The following KSR2 variants were observed in gnomAD, a reference collection of about 807,000 sequenced individuals.
KSR2 encodes the protein kinase suppressor of ras 2.
Under a neutral mutation model 107.8 loss-of-function variants are expected in KSR2, and 25 were observed. The observed-to-expected ratio is 0.23, with a 90% CI of 0.17 to 0.32. The LOEUF is 0.32. Among genes scored for constraint, KSR2 ranks in the 10% least tolerant of loss-of-function variants. KSR2 has a pLI of 1.00. For missense variants in KSR2, 887 were observed against 1,268.9 expected (o/e 0.70, Z 4.57); for synonymous variants, 480 against 507.0 (o/e 0.95, Z 0.71).
chr12:117,659,439 C>T (rs1884328583), intron 5 of KSR2, among the ~76,000 whole-genome samples: 1 of 152,172 alleles, frequency 6.6e-6, no homozygotes, highest in Admixed American at 6.5e-5. Context: ...ACATACAGCT[C>T]ACGTCCGCAT....
At chr12:117,712,256 G>A (rs1320426420) in intron 4 of KSR2, among the ~76,000 whole-genome samples, 2 of 152,208 alleles carry the variant, frequency 1.3e-5, no homozygotes, top group Non-Finnish European at 1.5e-5. Flanking sequence ...CTCCTCTCAA[G>A]GGGGTAGACT....
Position 117,727,023 on chromosome 12 carries a change from T to C in KSR2, c.986+33988A>G, listed in dbSNP as rs80151237. Among the ~76,000 whole-genome samples, 576 of 152,242 alleles carry C rather than the reference T, an allele frequency of 3.8e-3. 6 individuals are homozygous for C. Among genetic ancestry groups the C allele is most frequent in the African/African-American group, 0.013 (558 of 41,534 alleles). ...TTTGGAAGTAGGGGTTTTGCAGATATAATCAAGTTAAGGTCATACTTGATT... is the reference window on the plus strand; with the variant it reads ...TTTGGAAGTAGGGGTTTTGCAGATACAATCAAGTTAAGGTCATACTTGATT... On this transcript the variant is annotated intron_variant, in intron 4 of 19. Coordinates refer to ENST00000339824, the MANE Select transcript of KSR2 (RefSeq NM_173598.6).
Position 117,527,142 on chromosome 12 carries a change from G to A in KSR2, c.1803-23C>T, listed in dbSNP as rs7969954. On this transcript the variant is annotated intron_variant, in intron 12 of 19. Coordinates refer to ENST00000339824, the MANE Select transcript of KSR2 (RefSeq NM_173598.6). ...AAGCTGTAAAGAAAGAAAAATAAAC[G>A]TGATCCCTAGGTGAAAAGGCAGGTC... 5,762 of 1,586,708 alleles carry A rather than the reference G, an allele frequency of 3.6e-3. 135 individuals carry two copies. In the African/African-American group the frequency reaches 0.055, roughly 15 times the overall value.
chr12:117,803,619 C>G (rs1356434669), intron 3 of KSR2, among the ~76,000 whole-genome samples: 1 of 152,134 alleles, frequency 6.6e-6, no homozygotes, highest in Admixed American at 6.5e-5. Context: ...AGGAGAATGG[C>G]ATGAACCCGG....
intron 3 of KSR2, among the ~76,000 whole-genome samples, chr12:117,790,609 A>G (rs550391100): frequency 1.3e-5 from 2 of 152,250 alleles, no homozygotes; most frequent in Non-Finnish European, 2.9e-5. Flanking sequence ...GTGGGCCACA[A>G]GGAACAAACT....
chr12:117,841,356 G>A (rs1258270348), intron 3 of KSR2, among the ~76,000 whole-genome samples: 1 of 152,082 alleles, frequency 6.6e-6, no homozygotes, highest in Non-Finnish European at 1.5e-5. Context: ...CCTCAGGACC[G>A]TGGCTGGGAA....
intron 5 of KSR2, among the ~76,000 whole-genome samples, chr12:117,629,474 C>T (rs1882705906): frequency 6.6e-6 from 1 of 152,090 alleles, no homozygotes; most frequent in African/African-American, 2.4e-5. Context: ...ACATGTGAAA[C>T]CAAACGGGAG....
chr12:117,804,039 C>A (rs1890927656), intron 3 of KSR2, among the ~76,000 whole-genome samples: 1 of 152,078 alleles, frequency 6.6e-6, no homozygotes, highest in Non-Finnish European at 1.5e-5. Flanking sequence ...CATATCCATT[C>A]TTTTATTGTT....
At chr12:117,572,835 A>C (rs1388004833) in intron 7 of KSR2, among the ~76,000 whole-genome samples, 1 of 152,190 alleles carries the variant, frequency 6.6e-6, no homozygotes, top group African/African-American at 2.4e-5. Context: ...AGAGGTTTCC[A>C]AGGAACCAGA....
At chr12:117,476,379 G>A (rs1243164339) in intron 17 of KSR2, 85 bp downstream of exon 17, 42 of 1,456,858 alleles carry the variant, frequency 2.9e-5, no homozygotes, top group Non-Finnish European at 3.6e-5. Context: ...GGTACACCCT[G>A]GCCCTTCCAA....
chr12:117,480,916 G>A (rs1263179150), intron 16 of KSR2, among the ~76,000 whole-genome samples: 2 of 152,114 alleles, frequency 1.3e-5, no homozygotes, highest in Non-Finnish European at 2.9e-5. Context: ...GTAAAGCCCA[G>A]CTGGGCATGG....
chr12:117,520,689 G>A (rs1004722414), intron 14 of KSR2, among the ~76,000 whole-genome samples: 2 of 152,058 alleles, frequency 1.3e-5, no homozygotes, highest in Non-Finnish European at 2.9e-5. Flanking sequence ...CTTTATTTTT[G>A]AGGCTTCCTC....
rs201208659 is a variant in KSR2, at chr12:117,740,485, AAT to A, written c.986+20524_986+20525del. ...ATATTATATGTAATATATAACATAT[AAT>A]ATATATGTTATATATTACATTTATA... On this transcript the variant is annotated intron_variant, in intron 4 of 19. Coordinates refer to ENST00000339824, the MANE Select transcript of KSR2 (RefSeq NM_173598.6). Among the ~76,000 whole-genome samples the A allele has an allele frequency of 5.0e-3, 649 of 130,230 alleles. 19 individuals are homozygous for A. Among genetic ancestry groups the A allele is most frequent in the African/African-American group, 0.016 (556 of 35,676 alleles). The allele number at this position is 130,230 out of a possible 152,430, so 85.4% of individuals were successfully genotyped here.
rs560632391 is a variant in KSR2, at chr12:117,729,148, T to C, written c.986+31863A>G. On this transcript the variant is annotated intron_variant, in intron 4 of 19. Transcript: ENST00000339824. ...AAGTCACCAGCAGGAAACTTTTTTT[T>C]TTTTTTTTACCAGTAAGAAATAGAA... Among the ~76,000 whole-genome samples, 5 of 152,188 alleles carry C rather than the reference T, an allele frequency of 3.3e-5. No homozygotes were observed. The East Asian group carries it at 5.8e-4, about 18-fold the overall frequency.
intron 3 of KSR2, among the ~76,000 whole-genome samples, chr12:117,779,620 C>T (rs111872516): frequency 0.039 from 5,914 of 152,158 alleles, 393 homozygotes; most frequent in African/African-American, 0.14. Flanking sequence ...ATGGAGTCGG[C>T]TTCCCCTGTG....
intron 14 of KSR2, among the ~76,000 whole-genome samples, chr12:117,506,063 G>A (rs1463289208): frequency 6.6e-6 from 1 of 152,178 alleles, no homozygotes; most frequent in African/African-American, 2.4e-5. Flanking sequence ...TCCTGGCTAT[G>A]TTTGATGAAT....
chr12:117,808,502 A>T (rs1219713139), intron 3 of KSR2, among the ~76,000 whole-genome samples: 1 of 152,226 alleles, frequency 6.6e-6, no homozygotes, highest in Non-Finnish European at 1.5e-5. Context: ...ACTACCTCAA[A>T]GAGTTGGTAT....
At chr12:117,829,478 A>T (rs1891875920) in intron 3 of KSR2, among the ~76,000 whole-genome samples, 1 of 152,226 alleles carries the variant, frequency 6.6e-6, no homozygotes, top group South Asian at 2.1e-4. Flanking sequence ...ACATGTGCTC[A>T]TCTCTAAATC....
At chr12:117,965,769 C>T (rs998396506) in intron 1 of KSR2, among the ~76,000 whole-genome samples, 1 of 152,194 alleles carries the variant, frequency 6.6e-6, no homozygotes, top group Non-Finnish European at 1.5e-5. Context: ...TCTTGCTAAT[C>T]CCAGCTAAAC....
Sources: allele counts gnomAD v4.1 joint callset (sites outside exome capture counted in the v4.1 genomes callset), GRCh38; gene constraint gnomAD v4.1.1; transcripts MANE v1.5; gene names NCBI Gene and HGNC (gene_info 2026-07-23, HGNC 2026-07-21).